Variants in DRC11 observed in about 807,000 individuals in gnomAD.
The protein encoded by DRC11 is dynein regulatory complex subunit 11, also known as IQ and AAA domain-containing protein 1.
the DRC11 span, among the ~76,000 whole-genome samples, chr2:236,308,581 C>G: frequency 6.6e-6 from 1 of 152,238 alleles, no homozygotes; most frequent in African/African-American, 2.4e-5. The surrounding 1 kb of genome is among the most constrained non-coding windows in gnomAD (Gnocchi z 6.0). Flanking sequence ...TGTGGGGGCT[C>G]TGCCTTCCAT....
the DRC11 span, among the ~76,000 whole-genome samples, chr2:236,446,310 T>C: frequency 1.3e-5 from 2 of 152,000 alleles, no homozygotes; most frequent in Non-Finnish European, 2.9e-5. The surrounding 1 kb of genome is among the most constrained non-coding windows in gnomAD (Gnocchi z 6.2). Flanking sequence ...AGAGGGCAGA[T>C]GATCACAGAC....
chr2:236,383,852 C>A, the DRC11 span, among the ~76,000 whole-genome samples: 2 of 146,068 alleles, frequency 1.4e-5, no homozygotes, highest in Non-Finnish European at 3.0e-5. Flanking sequence ...GTGTGATATT[C>A]CCCTTCCTGT....
the DRC11 span, among the ~76,000 whole-genome samples, chr2:236,504,234 C>T: frequency 6.6e-6 from 1 of 152,080 alleles, no homozygotes; most frequent in Non-Finnish European, 1.5e-5. The surrounding 1 kb of genome is among the most constrained non-coding windows in gnomAD (Gnocchi z 5.0). Context: ...TCCTTTCCCT[C>T]GGTGCGGTGT....
At chr2:236,392,723 CT>C in the DRC11 span, among the ~76,000 whole-genome samples, 55 of 152,226 alleles carry the variant, frequency 3.6e-4, no homozygotes, top group Non-Finnish European at 7.5e-4. The surrounding 1 kb of genome is among the most constrained non-coding windows in gnomAD (Gnocchi z 5.1). Context: ...TTTTATCTTA[CT>C]TTTTTTCTTC....
the DRC11 span, among the ~76,000 whole-genome samples, chr2:236,445,273 C>T: frequency 1.3e-5 from 2 of 152,040 alleles, no homozygotes; most frequent in Non-Finnish European, 2.9e-5. The surrounding 1 kb of genome is among the most constrained non-coding windows in gnomAD (Gnocchi z 4.8). Flanking sequence ...GACTGTCATA[C>T]TAAGATTTAA....
the DRC11 span, chr2:236,486,993 A>G: frequency 1.2e-6 from 1 of 868,166 alleles, no homozygotes; most frequent in East Asian, 2.6e-5. The surrounding 1 kb of genome is among the most constrained non-coding windows in gnomAD (Gnocchi z 5.7). Flanking sequence ...ACATCTCAAA[A>G]TGCCAACTAA....
the DRC11 span, among the ~76,000 whole-genome samples, chr2:236,350,725 C>T: frequency 1.3e-5 from 2 of 152,348 alleles, no homozygotes; most frequent in Admixed American, 1.3e-4. This position sits in a 1 kb window ranked among gnomAD's most constrained non-coding sequence, Gnocchi z 5.2. Flanking sequence ...ATGCCTATTC[C>T]TTGACCTGTA....
At chr2:236,393,104 C>T in the DRC11 span, among the ~76,000 whole-genome samples, 1 of 152,194 alleles carries the variant, frequency 6.6e-6, no homozygotes, top group African/African-American at 2.4e-5. This position sits in a 1 kb window ranked among gnomAD's most constrained non-coding sequence, Gnocchi z 4.7. Flanking sequence ...AGAGGTCTCC[C>T]ATGGGAAGCC....
At chr2:236,329,956 C>A in the DRC11 span, among the ~76,000 whole-genome samples, 1 of 152,066 alleles carries the variant, frequency 6.6e-6, no homozygotes, top group Admixed American at 6.5e-5. Flanking sequence ...GAGATTACTT[C>A]GGAAAGTTAA....
the DRC11 span, among the ~76,000 whole-genome samples, chr2:236,396,491 G>C: frequency 6.6e-6 from 1 of 152,106 alleles, no homozygotes; most frequent in African/African-American, 2.4e-5. Flanking sequence ...GCTTCTAGGA[G>C]GGACGCTGCT....
chr2:236,408,379 G>T, the DRC11 span: 1 of 751,520 alleles, frequency 1.3e-6, no homozygotes, highest in South Asian at 1.4e-5. The surrounding 1 kb of genome is among the most constrained non-coding windows in gnomAD (Gnocchi z 5.5). Context: ...TCAATGACTT[G>T]TGACCCCTTT....
chr2:236,443,430 GGTTCTCACT>G, the DRC11 span, among the ~76,000 whole-genome samples: 2 of 152,184 alleles, frequency 1.3e-5, no homozygotes, highest in South Asian at 2.1e-4. This position sits in a 1 kb window ranked among gnomAD's most constrained non-coding sequence, Gnocchi z 4.4. Flanking sequence ...GGGGACACAG[GGTTCTCACT>G]GTTCTCACTG....
At chr2:236,414,621 G>A in the DRC11 span, among the ~76,000 whole-genome samples, 1 of 152,068 alleles carries the variant, frequency 6.6e-6, no homozygotes, top group Non-Finnish European at 1.5e-5. Flanking sequence ...CCACTGGGCA[G>A]GACTACTGTG....
At chr2:236,412,233 A>T in the DRC11 span, among the ~76,000 whole-genome samples, 1 of 152,124 alleles carries the variant, frequency 6.6e-6, no homozygotes, top group Non-Finnish European at 1.5e-5. Context: ...CAGGAGGCAG[A>T]AAGAAAACCT....
the DRC11 span, among the ~76,000 whole-genome samples, chr2:236,375,843 T>C: frequency 9.1e-4 from 139 of 152,332 alleles, no homozygotes; most frequent in African/African-American, 3.1e-3. This position sits in a 1 kb window ranked among gnomAD's most constrained non-coding sequence, Gnocchi z 4.2. Flanking sequence ...ATCTATTCAA[T>C]GTAGAAGGAA....
At chr2:236,375,624 C>T in the DRC11 span, among the ~76,000 whole-genome samples, 4 of 152,282 alleles carry the variant, frequency 2.6e-5, no homozygotes, top group East Asian at 7.7e-4. The surrounding 1 kb of genome is among the most constrained non-coding windows in gnomAD (Gnocchi z 4.2). Context: ...GAAAACAAGG[C>T]TGTCTTGCAA....
At chr2:236,376,111 G>A in the DRC11 span, among the ~76,000 whole-genome samples, 2 of 152,206 alleles carry the variant, frequency 1.3e-5, no homozygotes, top group African/African-American at 4.8e-5. This position sits in a 1 kb window ranked among gnomAD's most constrained non-coding sequence, Gnocchi z 5.7. Flanking sequence ...GTGGCATTAA[G>A]TGCCCCCAGT....
the DRC11 span, chr2:236,487,024 A>G: frequency 1.5e-6 from 1 of 671,884 alleles, no homozygotes; most frequent in Non-Finnish European, 2.6e-6. Flanking sequence ...TAGGCTGTCC[A>G]TGTGTGTGCT....
the DRC11 span, chr2:236,392,116 C>T: frequency 1.9e-6 from 3 of 1,585,126 alleles, no homozygotes; most frequent in Non-Finnish European, 8.7e-7. The surrounding 1 kb of genome is among the most constrained non-coding windows in gnomAD (Gnocchi z 5.1). Flanking sequence ...CTTTGCATGT[C>T]TTGTGTTTTG....
Sources: gnomAD v4.1 joint callset for allele counts (sites outside exome capture counted in the v4.1 genomes callset) on GRCh38, gnomAD v4.1.1 for gene constraint, Gnocchi (gnomAD v3.1) non-coding constraint, MANE v1.5 for transcripts, NCBI Gene and HGNC (gene_info 2026-07-23, HGNC 2026-07-21) for gene names.